Variants in LAPTM4B observed in about 807,000 individuals in gnomAD.
LAPTM4B encodes the protein lysosomal protein transmembrane 4 beta.
A neutral mutation model predicts 28.5 loss-of-function variants in LAPTM4B; 26 were observed. The ratio of observed to expected loss-of-function variants is 0.91; its 90% CI spans 0.67 to 1.27. The LOEUF (loss-of-function observed/expected upper bound fraction) is 1.27. LAPTM4B is among the 50% of genes most tolerant of loss of function. LAPTM4B has a pLI of 0.00. For missense variants in LAPTM4B, 288 were observed against 285.8 expected, an observed-to-expected ratio of 1.01 and a Z score of -0.06; for synonymous variants, 109 against 106.4, an observed-to-expected ratio of 1.02 and a Z score of -0.15.
chr8:97,829,480 A>T (rs1410396249), intron 6 of LAPTM4B, among the ~76,000 whole-genome samples: 2 of 152,098 alleles, frequency 1.3e-5, no homozygotes, highest in Admixed American at 6.5e-5. Flanking sequence ...CATAAGGAAG[A>T]CGGGAGGTTA....
chr8:97,812,841 C>G (rs1306675804), intron 2 of LAPTM4B, among the ~76,000 whole-genome samples: 2 of 152,158 alleles, frequency 1.3e-5, no homozygotes, highest in Admixed American at 1.3e-4. Context: ...ATAGCCCAAA[C>G]AAATCACTGC....
intron 1 of LAPTM4B, among the ~76,000 whole-genome samples, chr8:97,785,581 A>AC (rs1341269975): frequency 3.9e-5 from 6 of 152,204 alleles, no homozygotes; most frequent in Non-Finnish European, 4.4e-5. Context: ...ATATAGACTG[A>AC]CGTTGCCCTG....
At chr8:97,817,017 T>C (rs1816928453) in intron 4 of LAPTM4B, among the ~76,000 whole-genome samples, 1 of 152,192 alleles carries the variant, frequency 6.6e-6, no homozygotes, top group Non-Finnish European at 1.5e-5. Context: ...TGTTTGACCA[T>C]AGAATCCCTT....
At chr8:97,795,886 T>C (rs1044615723) in intron 1 of LAPTM4B, among the ~76,000 whole-genome samples, 1 of 150,000 alleles carries the variant, frequency 6.7e-6, no homozygotes, top group East Asian at 2.0e-4. Context: ...GTACTTTTGA[T>C]CTCTTCCTAG....
intron 5 of LAPTM4B, among the ~76,000 whole-genome samples, chr8:97,823,002 C>G (rs569509773): frequency 6.6e-6 from 1 of 151,930 alleles, no homozygotes; most frequent in Non-Finnish European, 1.5e-5. Context: ...CCACCATGCC[C>G]GGCTAGTTTT....
intron 1 of LAPTM4B, among the ~76,000 whole-genome samples, chr8:97,777,505 TGGGC>T (rs1455854248): frequency 6.6e-6 from 1 of 152,002 alleles, no homozygotes; most frequent in East Asian, 1.9e-4. Context: ...GTTTGTTTAT[TGGGC>T]CCATTTTTGG....
At chr8:97,851,360 T>G (rs764268255) in intron 6 of LAPTM4B, 37 bp from the exon 7 acceptor site, 20 of 1,549,110 alleles carry the variant, frequency 1.3e-5, no homozygotes, top group Non-Finnish European at 1.6e-5. Flanking sequence ...TGTGTGCTCT[T>G]CAAACATTAA....
At chr8:97,811,789 C>A (rs938483586) in intron 2 of LAPTM4B, among the ~76,000 whole-genome samples, 2 of 151,964 alleles carry the variant, frequency 1.3e-5, no homozygotes, top group South Asian at 2.1e-4. Context: ...ACCATCCTGG[C>A]CCTTTATTTT....
chr8:97,829,963 G>A (rs1817154036), intron 6 of LAPTM4B, among the ~76,000 whole-genome samples: 1 of 152,094 alleles, frequency 6.6e-6, no homozygotes. Context: ...CTAATGTGCT[G>A]GGATTACAGG....
chr8:97,800,270 G>A (rs911497184), intron 1 of LAPTM4B, among the ~76,000 whole-genome samples: 1 of 152,208 alleles, frequency 6.6e-6, no homozygotes, highest in Admixed American at 6.5e-5. Context: ...AAGCACAGGC[G>A]TAAAGCAGGT....
rs11990160 is a variant in LAPTM4B at position 97,851,687 on chromosome 8, C to T, written c.*213C>T. ...GATTAACTGTAGAATTCTTCCTGTA[C>T]GATTGGGGATATAATGGGCTTCACT... is the stretch of plus-strand genomic sequence containing the variant. On this transcript the variant is annotated 3_prime_UTR_variant, in exon 7 of 7. Transcript: ENST00000521545. The T allele has an allele frequency of 2.1e-5, 12 of 581,864 alleles. No homozygotes were observed. The highest frequency in any genetic ancestry group is 1.4e-4 in the East Asian group (5 of 34,918). The allele number at this position is 581,864 out of a possible 1,614,324, so 36.0% of individuals were successfully genotyped here. A position where few individuals can be genotyped will look rare whatever the true frequency, so the allele number is the denominator to read the frequency against.
intron 6 of LAPTM4B, among the ~76,000 whole-genome samples, chr8:97,848,995 G>T (rs1043613967): frequency 6.6e-6 from 1 of 152,202 alleles, no homozygotes; most frequent in Non-Finnish European, 1.5e-5. Context: ...TTAGATACTG[G>T]CTAGAACTTG....
chr8:97,851,659 A>C lies in LAPTM4B; in HGVS notation c.*185A>C. The C allele has an allele frequency of 1.7e-6, 1 of 603,106 alleles. No homozygotes were observed. Among genetic ancestry groups the C allele is most frequent in the Non-Finnish European group, 3.0e-6 (1 of 338,200 alleles). 37.4% of individuals were successfully genotyped at this position (603,106 alleles called of 1,614,324 possible). On this transcript the variant is annotated 3_prime_UTR_variant, in exon 7 of 7. Transcript: ENST00000521545. ...ACATATGCTTTGCTGGAACACTGTG[A>C]TAGATTAACTGTAGAATTCTTCCTG...
intron 2 of LAPTM4B, among the ~76,000 whole-genome samples, chr8:97,806,261 A>G (rs994179709): frequency 8.5e-5 from 13 of 152,186 alleles, no homozygotes; most frequent in Non-Finnish European, 1.0e-4. Context: ...TGATATATGC[A>G]TTTAAGATCC....
intron 6 of LAPTM4B, among the ~76,000 whole-genome samples, chr8:97,846,678 G>T (rs1563624491): frequency 2.0e-5 from 3 of 152,006 alleles, no homozygotes; most frequent in South Asian, 4.2e-4. Context: ...TGAGCATTTT[G>T]TTATTTATTA....
intron 1 of LAPTM4B, 151 bp downstream of exon 1, chr8:97,776,259 T>G: frequency 5.9e-6 from 6 of 1,021,030 alleles, no homozygotes; most frequent in Non-Finnish European, 7.9e-6. Flanking sequence ...GCGTCCGCAC[T>G]TCCCCCGGCT....
intron 1 of LAPTM4B, among the ~76,000 whole-genome samples, chr8:97,788,006 G>A (rs1476096065): frequency 6.6e-6 from 1 of 151,952 alleles, no homozygotes; most frequent in East Asian, 1.9e-4. Context: ...GCTAATTTTT[G>A]TATTTCTTTT....
chr8:97,784,258 C>T (rs987499611), intron 1 of LAPTM4B, among the ~76,000 whole-genome samples: 6 of 152,132 alleles, frequency 3.9e-5, no homozygotes, highest in Non-Finnish European at 5.9e-5. Context: ...GATAGAATAA[C>T]GGACTGATTT....
Position 97,819,221 on chromosome 8 carries a change from A to C in LAPTM4B, c.490A>C (p.Ile164Leu). The C allele has an allele frequency of 6.3e-7, 1 of 1,588,934 alleles. No individual in the cohort carries two copies. The highest frequency in any genetic ancestry group is 8.6e-7 in the Non-Finnish European group (1 of 1,158,604). Residue 164 changes from isoleucine (I) to leucine (L), a missense_variant, in exon 5 of 7, where the codon ATT becomes CTT. Ile to Leu is a conservative substitution (Grantham distance 5). Transcript: ENST00000521545. ...LVLIILLFIS[I>L]ILTFKGYLIS... ...CCTTATTATTCTTCTGTTTATTAGC[A>C]TTATCTTGACTTTTAAGGTAAGCAT... is the stretch of plus-strand genomic sequence containing the variant.
Sources: allele counts gnomAD v4.1 joint callset (sites outside exome capture counted in the v4.1 genomes callset), GRCh38; gene constraint gnomAD v4.1.1; transcripts MANE v1.5; gene names NCBI Gene and HGNC (gene_info 2026-07-23, HGNC 2026-07-21).